Variants in ITGA5 observed in about 807,000 individuals in gnomAD.
The protein encoded by ITGA5 is integrin subunit alpha 5, also known as integrin alpha-5.
A neutral mutation model predicts 146.3 loss-of-function variants in ITGA5; 55 were observed. The ratio of observed to expected loss-of-function variants is 0.38; its 90% CI spans 0.30 to 0.47. The LOEUF (loss-of-function observed/expected upper bound fraction) is 0.47, where lower values mean the gene tolerates loss of function less well. Among genes scored for constraint, ITGA5 ranks in the 20% least tolerant of loss-of-function variants. The probability of loss-of-function intolerance (pLI) is 0.99; values close to 1 mark genes in which losing one functional copy is unlikely to be tolerated. For missense variants in ITGA5, 1,131 were observed against 1,329.0 expected (o/e 0.85, Z 2.32); for synonymous variants, 500 against 531.8 (o/e 0.94, Z 0.82).
chr12:54,406,011 G>A (rs1043670690), intron 9 of ITGA5, 85 bp from the exon 10 acceptor site: 1 of 1,226,862 alleles, frequency 8.2e-7, no homozygotes, highest in Non-Finnish European at 1.2e-6. Context: ...GGACACCCAG[G>A]GGCAGGCATT....
chr12:54,405,499 C>G (rs146610583), intron 11 of ITGA5, 125 bp from the exon 12 acceptor site: 1 of 983,818 alleles, frequency 1.0e-6, no homozygotes, highest in African/African-American at 1.6e-5. Flanking sequence ...CTCTGATCAT[C>G]AGCTCTCAGC....
chr12:54,418,300 C>T (rs1164006136), intron 1 of ITGA5, among the ~76,000 whole-genome samples: 1 of 151,820 alleles, frequency 6.6e-6, no homozygotes, highest in Non-Finnish European at 1.5e-5. Context: ...GCCAGGGTCC[C>T]CGCACTCGCC....
rs1415429067 is a variant in ITGA5, at chr12:54,416,949, AG to A, written c.218+2031del. On this transcript the variant is annotated intron_variant, in intron 1 of 29. Coordinates refer to ENST00000293379, the MANE Select transcript of ITGA5 (RefSeq NM_002205.5). This position sits in a 1 kb window ranked among gnomAD's most constrained non-coding sequence, Gnocchi z 4.1. ...CCCTCTTTGGCAATGGCTGTAGGTG[AG>A]GGGCTGTGTTTGTCTTGTGTTGTGG... Among the ~76,000 whole-genome samples the A allele has an allele frequency of 6.6e-6, 1 of 152,074 alleles. No homozygotes were observed. Among genetic ancestry groups the A allele is most frequent in the Non-Finnish European group, 1.5e-5 (1 of 68,004 alleles).
At chr12:54,414,998 A>C (rs1188376598) in intron 1 of ITGA5, among the ~76,000 whole-genome samples, 3 of 151,912 alleles carry the variant, frequency 2.0e-5, no homozygotes, top group Non-Finnish European at 2.9e-5. Flanking sequence ...AAAATACAAA[A>C]TTAGCTGGGC....
intron 28 of ITGA5, 134 bp downstream of exon 28, chr12:54,398,463 G>T (rs1955741985): frequency 1.6e-6 from 1 of 627,286 alleles, no homozygotes. Context: ...TCTGGCATCT[G>T]CACAGTGCTT....
chr12:54,405,409 C>A (rs779974942), intron 11 of ITGA5, 35 bp from the exon 12 acceptor site: 5 of 1,508,168 alleles, frequency 3.3e-6, no homozygotes, highest in Non-Finnish European at 4.5e-6. Context: ...ATCTCGATAC[C>A]CTGTCTTGCC....
chr12:54,410,370 G>T (rs1382156489), intron 2 of ITGA5, among the ~76,000 whole-genome samples: 3 of 133,338 alleles, frequency 2.2e-5, no homozygotes, highest in Non-Finnish European at 4.7e-5. Context: ...TTTTGAGATA[G>T]GGTCTCACTC....
chr12:54,397,664 C>T (rs1488397270), intron 28 of ITGA5, among the ~76,000 whole-genome samples, 177 bp from the exon 29 acceptor site: 1 of 152,166 alleles, frequency 6.6e-6, no homozygotes, highest in African/African-American at 2.4e-5. Context: ...ATGGCCCCTT[C>T]AGGGTCCTGG....
chr12:54,399,868 A>C lies in ITGA5; in HGVS notation c.2723T>G (p.Ile908Ser), dbSNP rs757413351. Reference protein sequence around the residue: ...SRSSASSGPQILKCPEAECFR... With the variant: ...SRSSASSGPQSLKCPEAECFR... ...CTCATTCCCTGCCTGACTTACCAGG[A>C]TCTGAGGTCCCGAGGAAGCAGAGCT... The change falls in exon 26 of 30, where the codon ATC becomes AGC. Residue 908 changes from isoleucine to serine, a missense_variant. This residue lies in a region of ITGA5 where 889 missense variants were observed against 1,021.5 expected (regional missense o/e 0.87). Transcript: ENST00000293379. 1.7e-5 allele frequency: 27 copies of C among 1,613,880 alleles called. No individual in the cohort carries two copies. The highest frequency in any genetic ancestry group is 5.1e-6 in the Non-Finnish European group (6 of 1,179,902).
In ITGA5 at chr12:54,399,737, A is replaced by G. The variant is rs1565638069; in HGVS notation, c.2749T>C (p.Phe917Leu). 1 of 1,614,168 alleles carries G rather than the reference A, an allele frequency of 6.2e-7. No homozygotes were observed. Residue 917 changes from phenylalanine (F) to leucine (L), a missense_variant, in exon 27 of 30, where the codon TTC becomes CTC. This residue lies in a region of ITGA5 where 889 missense variants were observed against 1,021.5 expected (regional missense o/e 0.87). Transcript: ENST00000293379. ...QILKCPEAECFRLRCELGPLH... is the reference protein window; with the variant it reads ...QILKCPEAECLRLRCELGPLH... ...GGCCCGAGCTCACAGCGCAGCCTGA[A>G]ACACTCAGCCTCCGGGCATTTCTAG...
rs189630357 is a variant in ITGA5, at chr12:54,403,797, T to C, written c.1622-18A>G. 3.7e-6 allele frequency: 6 copies of C among 1,612,986 alleles called. No homozygotes were observed. The highest frequency in any genetic ancestry group is 5.1e-6 in the Non-Finnish European group (6 of 1,179,048). On this transcript the variant is annotated intron_variant, in intron 16 of 29. Coordinates refer to ENST00000293379, the MANE Select transcript of ITGA5 (RefSeq NM_002205.5). The surrounding 1 kb of genome is among the most constrained non-coding windows in gnomAD (Gnocchi z 4.9). ...TGTGAAACCTGAAGCCAGGGACATA[T>C]AAAGGGAAACTGCCTGTCTTTCCTC...
At chr12:54,400,081 A>C in intron 25 of ITGA5, 134 bp from the exon 26 acceptor site, 1 of 670,788 alleles carries the variant, frequency 1.5e-6, no homozygotes, top group Non-Finnish European at 2.7e-6. Flanking sequence ...TCCACCTCCT[A>C]TGCGCAAGGC....
rs529448459 is a variant in ITGA5 at position 54,416,857 on chromosome 12, T to C, written c.218+2124A>G. Reference sequence around the variant, plus strand: ...TCTAACTGCTTTGGTGCTCGCCCTGTCCTTTAATACTATTTTGGTGTTCAC... The same window carrying C: ...TCTAACTGCTTTGGTGCTCGCCCTGCCCTTTAATACTATTTTGGTGTTCAC... On this transcript the variant is annotated intron_variant, in intron 1 of 29. Coordinates refer to ENST00000293379, the MANE Select transcript of ITGA5 (RefSeq NM_002205.5). This position sits in a 1 kb window ranked among gnomAD's most constrained non-coding sequence, Gnocchi z 4.1. Among the ~76,000 whole-genome samples, 18 of 152,348 alleles carry C rather than the reference T, an allele frequency of 1.2e-4. No homozygotes were observed. Among genetic ancestry groups the C allele is most frequent in the Admixed American group, 6.5e-4 (10 of 15,302 alleles).
chr12:54,398,835 CTTTTT>C (rs34443272), intron 27 of ITGA5, 137 bp from the exon 28 acceptor site: 440 of 219,666 alleles, frequency 2.0e-3, no homozygotes, highest in Middle Eastern at 2.7e-3. Flanking sequence ...CTCTCTCTCT[CTTTTT>C]TTTTTTTTTT....
At position 54,416,869 on chromosome 12, in the gene ITGA5, A is replaced by G. The variant is rs907517820; in HGVS notation, c.218+2112T>C. Among the ~76,000 whole-genome samples the G allele has an allele frequency of 5.9e-5, 9 of 152,082 alleles. No homozygotes were observed. Among genetic ancestry groups the G allele is most frequent in the Admixed American group, 1.3e-4 (2 of 15,268 alleles). On this transcript the variant is annotated intron_variant, in intron 1 of 29. Transcript: ENST00000293379. The surrounding 1 kb of genome is among the most constrained non-coding windows in gnomAD (Gnocchi z 4.1). ...GGTGCTCGCCCTGTCCTTTAATACT[A>G]TTTTGGTGTTCACCACAAGAGGTGA... is the stretch of plus-strand genomic sequence containing the variant.
In ITGA5 at chr12:54,402,169, T is replaced by C; in HGVS notation, c.2133+11A>G. ...TATCCTCCCAAATCCCACTCGAGAG[T>C]CTCATCTCACCCCTGGGTGTCTGAC... is the stretch of plus-strand genomic sequence containing the variant. On this transcript the variant is annotated intron_variant, in intron 20 of 29. Transcript: ENST00000293379. 6.2e-7 allele frequency: 1 copy of C among 1,612,876 alleles called. No individual in the cohort carries two copies. The highest frequency in any genetic ancestry group is 8.5e-7 in the Non-Finnish European group (1 of 1,179,220).
rs751210140 is a variant in ITGA5 at position 54,419,164 on chromosome 12, G to T, written c.35C>A (p.Ala12Asp). 4 of 1,582,480 alleles carry T rather than the reference G, an allele frequency of 2.5e-6. No individual in the cohort carries two copies. In the Admixed American group the frequency reaches 7.3e-5, roughly 29 times the overall value. Residue 12 changes from alanine (A) to aspartate (D), a missense_variant, in exon 1 of 30, where the codon GCC becomes GAC. By Grantham distance (126) the Ala-to-Asp change is moderately radical. Around this residue, in one of 3 missense-constraint regions of ITGA5, gnomAD observed 175 missense variants for 179.3 expected, o/e 0.98. Transcript: ENST00000293379. ...CCGGGGGCCCCAGCGCAGCTGCACG[G>T]CGTGGAGAGGGGACTCTGGCGTCCG... ...GSRTPESPLH[A>D]VQLRWGPRRR... is the part of the protein sequence containing the mutation.
Position 54,400,805 on chromosome 12 carries a change from G to A in ITGA5, c.2643+41C>T, listed in dbSNP as rs187921210. The A allele has an allele frequency of 5.5e-4, 880 of 1,601,186 alleles. 7 individuals are homozygous for A. In the African/African-American group the frequency reaches 0.011, roughly 19 times the overall value. On this transcript the variant is annotated intron_variant, in intron 25 of 29. Coordinates refer to ENST00000293379, the MANE Select transcript of ITGA5 (RefSeq NM_002205.5). ...CCCAACCCCTCAGCCTTGGTCCTCT[G>A]AATCTGCTCCTCTTCCCCATGCCAG...
At chr12:54,405,959 G>A in intron 9 of ITGA5, 33 bp from the exon 10 acceptor site, 1 of 1,583,800 alleles carries the variant, frequency 6.3e-7, no homozygotes. Context: ...CATTGGTCCT[G>A]GACTCCCAGA....
Sources: allele counts gnomAD v4.1 joint callset (sites outside exome capture counted in the v4.1 genomes callset), GRCh38; gene constraint gnomAD v4.1.1; regional missense constraint gnomAD v4.1.1; non-coding constraint Gnocchi (gnomAD v3.1); transcripts MANE v1.5; gene names NCBI Gene and HGNC (gene_info 2026-07-23, HGNC 2026-07-21).